Variants in LPP observed in about 807,000 individuals in gnomAD.
LPP encodes lipoma-preferred partner.
LPP carries 38 observed loss-of-function variants against 60.4 expected under a neutral mutation model. That is an observed-to-expected ratio of 0.63 (90% confidence interval 0.49 to 0.83). LPP has a LOEUF of 0.83. LPP is among the 40% of genes least tolerant of loss of function. The probability of loss-of-function intolerance (pLI) is 0.00; values close to 1 mark genes in which losing one functional copy is unlikely to be tolerated. For missense variants in LPP, 902 were observed against 783.6 expected (o/e 1.15, Z -1.80); for synonymous variants, 328 against 290.8 (o/e 1.13, Z -1.30).
chr3:188,480,380 A>C (rs1484327715), intron 4 of LPP, among the ~76,000 whole-genome samples: 3 of 152,224 alleles, frequency 2.0e-5, no homozygotes, highest in African/African-American at 7.2e-5. Flanking sequence ...ATCAAGCAAG[A>C]TATGTCTCAG....
rs560481926 is a variant in LPP, at chr3:188,518,373, T to G, written c.307-6292T>G. Reference sequence around the variant, plus strand: ...TACCATTGAAAAGAAAAGTTGTATGTAAACACAATGTAATTTTTGTATTAT... The same window carrying G: ...TACCATTGAAAAGAAAAGTTGTATGGAAACACAATGTAATTTTTGTATTAT... On this transcript the variant is annotated intron_variant, in intron 5 of 11. Coordinates refer to ENST00000617246, the MANE Select transcript of LPP (RefSeq NM_001375462.1). Among the ~76,000 whole-genome samples the G allele has an allele frequency of 7.2e-5, 11 of 152,352 alleles. No homozygotes were observed. The East Asian group carries it at 2.1e-3, about 29-fold the overall frequency.
chr3:188,776,580 A>G (rs1426032846), intron 9 of LPP, among the ~76,000 whole-genome samples: 1 of 152,224 alleles, frequency 6.6e-6, no homozygotes, highest in Admixed American at 6.5e-5. Flanking sequence ...ATGGAATTCA[A>G]TACAAAGGCC....
rs567247890 is a variant in LPP, at chr3:188,775,263, G to A, written c.1410+14981G>A. 4.1e-4 allele frequency among the ~76,000 whole-genome samples: 62 copies of A among 152,116 alleles called. 1 individual carries two copies. Among genetic ancestry groups the A allele is most frequent in the African/African-American group, 1.3e-3 (55 of 41,498 alleles). On this transcript the variant is annotated intron_variant, in intron 9 of 11. Coordinates refer to ENST00000617246, the MANE Select transcript of LPP (RefSeq NM_001375462.1). ...AGACGGGGTTTCACCATGTTGGCCC[G>A]GATGGTCTGGATCTCCTGACCTCGT...
chr3:188,328,681 C>A (rs1036699150), intron 2 of LPP, among the ~76,000 whole-genome samples: 1 of 152,170 alleles, frequency 6.6e-6, no homozygotes, highest in Admixed American at 6.5e-5. Flanking sequence ...TAAACAGTTA[C>A]ACAAAGTGCA....
At chr3:188,717,169 C>T (rs1408091511) in intron 8 of LPP, among the ~76,000 whole-genome samples, 2 of 152,174 alleles carry the variant, frequency 1.3e-5, no homozygotes, top group African/African-American at 2.4e-5. Context: ...GGGCACAGGC[C>T]TACAGACTTT....
chr3:188,558,109 GAGTT>G (rs1158603540), intron 6 of LPP, among the ~76,000 whole-genome samples: 2 of 152,008 alleles, frequency 1.3e-5, no homozygotes, highest in East Asian at 3.9e-4. Context: ...ATCTGTCTCT[GAGTT>G]CTTTTGTCCT....
chr3:188,664,771 A>T (rs776929161), intron 7 of LPP, among the ~76,000 whole-genome samples: 37 of 152,190 alleles, frequency 2.4e-4, no homozygotes, highest in Non-Finnish European at 4.0e-4. Context: ...TTTGGATCAA[A>T]TAGTGATTTT....
In LPP at chr3:188,504,795, G is replaced by GA. The variant is rs58624757; in HGVS notation, c.307-19857dup. Among the ~76,000 whole-genome samples the GA allele has an allele frequency of 2.0e-3, 271 of 133,476 alleles. 4 individuals are homozygous for GA. In the South Asian group the frequency reaches 0.023, roughly 11 times the overall value. 87.6% of individuals were successfully genotyped at this position (133,476 alleles called of 152,430 possible). A position where few individuals can be genotyped will look rare whatever the true frequency, so the allele number is the denominator to read the frequency against. On this transcript the variant is annotated intron_variant, in intron 5 of 11. Transcript: ENST00000617246. The stretch of plus-strand genomic sequence containing the variant: ...TGAGAAAAAGTAAAAAATAAAGGAA[G>GA]AAAAAAAAAAAAAGGACTGGCCTTT...
chr3:188,308,827 GC>G (rs1196701097), intron 2 of LPP, among the ~76,000 whole-genome samples: 2 of 149,574 alleles, frequency 1.3e-5, no homozygotes, highest in Non-Finnish European at 3.0e-5. Flanking sequence ...TTCTTTCTGA[GC>G]CTGAGTTGTT....
intron 2 of LPP, among the ~76,000 whole-genome samples, chr3:188,276,325 C>T (rs1325840874): frequency 6.6e-6 from 1 of 152,142 alleles, no homozygotes; most frequent in African/African-American, 2.4e-5. Flanking sequence ...TTGTTGGTGG[C>T]CGGACCCCAA....
chr3:188,434,523 T>C (rs1356478071), intron 4 of LPP, among the ~76,000 whole-genome samples: 1 of 152,196 alleles, frequency 6.6e-6, no homozygotes, highest in Non-Finnish European at 1.5e-5. Flanking sequence ...TCAGTCTTGG[T>C]GAAGAGTCTT....
intron 8 of LPP, among the ~76,000 whole-genome samples, chr3:188,717,090 C>T (rs1468705871): frequency 6.6e-6 from 1 of 152,184 alleles, no homozygotes; most frequent in Non-Finnish European, 1.5e-5. Context: ...GATTAAGGGA[C>T]TCCCCACTCC....
At chr3:188,210,577 T>C (rs1168744419) in intron 1 of LPP, among the ~76,000 whole-genome samples, 1 of 152,166 alleles carries the variant, frequency 6.6e-6, no homozygotes, top group African/African-American at 2.4e-5. Context: ...GCTAGGAGGA[T>C]GAGAGGCACA....
intron 2 of LPP, among the ~76,000 whole-genome samples, chr3:188,320,605 G>T (rs1756646607): frequency 6.6e-6 from 1 of 152,192 alleles, no homozygotes; most frequent in African/African-American, 2.4e-5. Flanking sequence ...GTGGATGTCA[G>T]CCATTCACTG....
chr3:188,697,753 G>A (rs575137544), intron 7 of LPP, among the ~76,000 whole-genome samples: 1 of 152,280 alleles, frequency 6.6e-6, no homozygotes, highest in Non-Finnish European at 1.5e-5. Context: ...CATAAGTCTT[G>A]TTAACATTTG....
chr3:188,823,461 T>C (rs1426954848), intron 9 of LPP, among the ~76,000 whole-genome samples: 3 of 152,158 alleles, frequency 2.0e-5, no homozygotes, highest in East Asian at 1.9e-4. Flanking sequence ...CCAATTTTTA[T>C]TGGGCACAGA....
At chr3:188,567,270 G>A (rs980310059) in intron 6 of LPP, among the ~76,000 whole-genome samples, 7 of 151,740 alleles carry the variant, frequency 4.6e-5, no homozygotes, top group South Asian at 2.1e-4. Context: ...ACCTCTCTGC[G>A]CCTCAACTTC....
chr3:188,518,481 A>C (rs1398891028), intron 5 of LPP, among the ~76,000 whole-genome samples: 2 of 152,202 alleles, frequency 1.3e-5, no homozygotes, highest in African/African-American at 4.8e-5. Flanking sequence ...TCACAAAAGG[A>C]AGCTCAAGCT....
intron 5 of LPP, among the ~76,000 whole-genome samples, chr3:188,501,752 A>G (rs1467155491): frequency 7.5e-6 from 1 of 133,374 alleles, no homozygotes; most frequent in Non-Finnish European, 1.6e-5. Flanking sequence ...AAAAACAAAA[A>G]CCAAAAAACA....
Sources: gnomAD v4.1 joint callset for allele counts (sites outside exome capture counted in the v4.1 genomes callset) on GRCh38, gnomAD v4.1.1 for gene constraint, MANE v1.5 for transcripts, NCBI Gene and HGNC (gene_info 2026-07-23, HGNC 2026-07-21) for gene names.